Variants in GABRA2 observed in about 807,000 individuals in gnomAD.
GABRA2 encodes gamma-aminobutyric acid receptor subunit alpha-2.
GABRA2 carries 16 observed loss-of-function variants against 48.7 expected under a neutral mutation model. That is an observed-to-expected ratio of 0.33 (90% CI 0.22 to 0.50). GABRA2 has a LOEUF of 0.50. Among genes scored for constraint, GABRA2 ranks in the 20% least tolerant of loss-of-function variants. The pLI is 0.98. For missense variants in GABRA2, 275 were observed against 535.6 expected, an observed-to-expected ratio of 0.51 and a Z score of 4.80; for synonymous variants, 185 against 184.5, an observed-to-expected ratio of 1.00 and a Z score of -0.02.
intron 8 of GABRA2, among the ~76,000 whole-genome samples, chr4:46,295,394 A>C (rs995120148): frequency 2.0e-5 from 3 of 152,146 alleles, no homozygotes; most frequent in African/African-American, 7.2e-5. Flanking sequence ...ATGTGGATGG[A>C]CCCCTCTGAG....
chr4:46,280,044 GT>G (rs756130098), intron 8 of GABRA2, among the ~76,000 whole-genome samples: 1 of 148,872 alleles, frequency 6.7e-6, no homozygotes, highest in African/African-American at 2.5e-5. Flanking sequence ...AGGCTTACAA[GT>G]TTTTTTTTAA....
At chr4:46,373,867 T>C (rs1262417747) in intron 3 of GABRA2, among the ~76,000 whole-genome samples, 1 of 152,156 alleles carries the variant, frequency 6.6e-6, no homozygotes, top group African/African-American at 2.4e-5. Flanking sequence ...ATGATTACCC[T>C]TACATGCCCT....
intron 8 of GABRA2, among the ~76,000 whole-genome samples, chr4:46,277,901 A>T (rs1418254810): frequency 6.6e-6 from 1 of 152,178 alleles, no homozygotes; most frequent in Admixed American, 6.5e-5. Context: ...ATTTTTAATC[A>T]ATGAAAATAT....
At chr4:46,304,792 G>T (rs1453710256) in intron 7 of GABRA2, among the ~76,000 whole-genome samples, 2 of 151,742 alleles carry the variant, frequency 1.3e-5, no homozygotes, top group East Asian at 2.0e-4. Context: ...GCTCAGCGTG[G>T]TGGTGCGCCT....
intron 2 of GABRA2, 80 bp from the exon 3 acceptor site, chr4:46,386,269 AAATTTT>A: frequency 1.2e-6 from 1 of 805,916 alleles, no homozygotes; most frequent in Non-Finnish European, 2.0e-6. Flanking sequence ...TCCTTAATTT[AAATTTT>A]AACACTCCCT....
intron 3 of GABRA2, among the ~76,000 whole-genome samples, chr4:46,370,557 T>C (rs913764187): frequency 1.3e-5 from 2 of 152,258 alleles, no homozygotes; most frequent in Admixed American, 1.3e-4. Flanking sequence ...TTTAGAAACA[T>C]AAACAGCTGA....
At chr4:46,255,713 T>C (rs1715681386) in intron 9 of GABRA2, among the ~76,000 whole-genome samples, 1 of 151,550 alleles carries the variant, frequency 6.6e-6, no homozygotes, top group African/African-American at 2.4e-5. Context: ...ATTACTTTAT[T>C]GAAGTCTTTG....
At chr4:46,268,262 G>A (rs1215959256) in intron 8 of GABRA2, among the ~76,000 whole-genome samples, 1 of 151,878 alleles carries the variant, frequency 6.6e-6, no homozygotes, top group East Asian at 1.9e-4. Flanking sequence ...ATAAAAATAT[G>A]TGAATTGGTA....
chr4:46,367,607 A>G (rs1714245063), intron 3 of GABRA2: 1 of 152,150 alleles, frequency 6.6e-6, no homozygotes, highest in Admixed American at 6.6e-5. Flanking sequence ...CACCAAGAAA[A>G]GAGAAGGTAC....
intron 3 of GABRA2, chr4:46,368,789 G>A (rs1475329851): frequency 2.4e-6 from 1 of 418,460 alleles, no homozygotes; most frequent in African/African-American, 2.0e-5. Context: ...AAAAATAATT[G>A]GAATATCTGG....
chr4:46,377,892 G>A (rs1302665587), intron 3 of GABRA2, among the ~76,000 whole-genome samples: 126 of 148,878 alleles, frequency 8.5e-4, no homozygotes, highest in African/African-American at 2.8e-3. Flanking sequence ...TAGCCGCCCC[G>A]TCCAGGAGGT....
intron 9 of GABRA2, chr4:46,261,511 C>T: frequency 4.3e-6 from 1 of 232,268 alleles, no homozygotes; most frequent in South Asian, 8.5e-5. Context: ...AAACCATGAA[C>T]TTAACAGTCA....
chr4:46,256,930 A>G (rs1715955733), intron 9 of GABRA2, among the ~76,000 whole-genome samples: 1 of 151,708 alleles, frequency 6.6e-6, no homozygotes, highest in Admixed American at 6.6e-5. Flanking sequence ...ATTATTATCT[A>G]GTGTTTTCTA....
chr4:46,358,220 C>T (rs1221066551), intron 3 of GABRA2, among the ~76,000 whole-genome samples: 2 of 152,090 alleles, frequency 1.3e-5, no homozygotes, highest in East Asian at 1.9e-4. Flanking sequence ...GTGATTATCT[C>T]TGAGCTTTAC....
At chr4:46,305,999 A>C (rs1172167870) in intron 6 of GABRA2, among the ~76,000 whole-genome samples, 1 of 152,142 alleles carries the variant, frequency 6.6e-6, no homozygotes, top group Non-Finnish European at 1.5e-5. Context: ...CCCTTAGATG[A>C]TTATAACATC....
rs571199877 is a variant in GABRA2 at position 46,247,207 on chromosome 4, TA to T, written c.*3100del. The stretch of plus-strand genomic sequence containing the variant: ...GGCACTTAATAAAATCATTAAAATT[TA>T]AAAAATATATATTAAATGGTTATAT... On this transcript the variant is annotated 3_prime_UTR_variant, in exon 10 of 10. Transcript: ENST00000381620. Among the ~76,000 whole-genome samples the T allele has an allele frequency of 5.3e-5, 8 of 151,122 alleles. No homozygotes were observed. The highest frequency in any genetic ancestry group is 7.4e-5 in the Non-Finnish European group (5 of 67,468).
intron 8 of GABRA2, among the ~76,000 whole-genome samples, chr4:46,294,746 C>CTT (rs201404966): frequency 2.0e-5 from 3 of 151,528 alleles, no homozygotes; most frequent in African/African-American, 7.3e-5. Context: ...GATAACTACT[C>CTT]TTTTTTTTTG....
chr4:46,276,415 T>C (rs980693912), intron 8 of GABRA2, among the ~76,000 whole-genome samples: 32 of 152,100 alleles, frequency 2.1e-4, no homozygotes, highest in Admixed American at 1.7e-3. Context: ...TATCATCTGA[T>C]AGTGACAATT....
chr4:46,377,129 G>A (rs1578218600), intron 3 of GABRA2, among the ~76,000 whole-genome samples: 2 of 152,072 alleles, frequency 1.3e-5, no homozygotes, highest in South Asian at 2.1e-4. Context: ...CCAAAGTGCC[G>A]AGATTGCAGC....
Sources: gnomAD v4.1 joint callset for allele counts (sites outside exome capture counted in the v4.1 genomes callset) on GRCh38, gnomAD v4.1.1 for gene constraint, MANE v1.5 for transcripts, NCBI Gene and HGNC (gene_info 2026-07-23, HGNC 2026-07-21) for gene names.